Variants in ARNT2 observed in about 807,000 individuals in gnomAD.
The protein encoded by ARNT2 is aryl hydrocarbon receptor nuclear translocator 2.
In ARNT2, 36 loss-of-function variants were observed where a neutral mutation model predicts 91.7. The observed-to-expected ratio is 0.39, with a 90% CI of 0.30 to 0.52. The LOEUF is 0.52. Among genes scored for constraint, ARNT2 ranks in the 20% least tolerant of loss-of-function variants. The pLI, the probability that ARNT2 is intolerant of heterozygous loss-of-function variation, is 0.72. For synonymous variants in ARNT2, 365 were observed against 347.1 expected (o/e 1.05, Z -0.57); for missense variants, 775 against 939.3 (o/e 0.83, Z 2.29).
chr15:80,427,171 C>T (rs1439872999), intron 1 of ARNT2, among the ~76,000 whole-genome samples: 1 of 151,948 alleles, frequency 6.6e-6, no homozygotes, highest in Admixed American at 6.6e-5. Flanking sequence ...GTAATAAATT[C>T]GGGCAAAAAG....
Position 80,576,946 on chromosome 15 carries a change from C to T in ARNT2, c.1594C>T (p.His532Tyr). The T allele has an allele frequency of 6.2e-7, 1 of 1,614,088 alleles. No homozygotes were observed. The highest frequency in any genetic ancestry group is 1.1e-5 in the South Asian group (1 of 91,088). The change falls in exon 15 of 19, where the codon CAC becomes TAC. Residue 532 changes from histidine (H) to tyrosine (Y), a missense_variant. Physicochemically the swap from His to Tyr is moderately conservative, Grantham distance 83. Coordinates refer to ENST00000303329, the MANE Select transcript of ARNT2 (RefSeq NM_014862.4). ...YSQGSPFPSG[H>Y]SGKAFSSSVV... ...CCAAGGAAGCCCATTTCCCTCTGGA[C>T]ACTCCGGGAAGGCCTTCAGGTATGT... is the stretch of plus-strand genomic sequence containing the variant.
chr15:80,490,341 A>G (rs1897037892), intron 5 of ARNT2, among the ~76,000 whole-genome samples: 1 of 152,080 alleles, frequency 6.6e-6, no homozygotes, highest in African/African-American at 2.4e-5. Flanking sequence ...CTCCTAGATA[A>G]CTTCAGTCCA....
At chr15:80,487,301 G>A (rs772742146) in intron 5 of ARNT2, among the ~76,000 whole-genome samples, 4 of 152,148 alleles carry the variant, frequency 2.6e-5, no homozygotes, top group African/African-American at 7.2e-5. Flanking sequence ...TTGTCCATGC[G>A]CACAGCAGCA....
At chr15:80,586,618 C>T (rs1373356721) in intron 17 of ARNT2, among the ~76,000 whole-genome samples, 1 of 152,078 alleles carries the variant, frequency 6.6e-6, no homozygotes, top group Non-Finnish European at 1.5e-5. Context: ...GTAATCCCAG[C>T]CCTTTGGGAG....
At chr15:80,468,781 T>G (rs1213545047) in intron 3 of ARNT2, among the ~76,000 whole-genome samples, 1 of 152,210 alleles carries the variant, frequency 6.6e-6, no homozygotes, top group Non-Finnish European at 1.5e-5. Context: ...GAGGACAGAG[T>G]TGGGCATTCC....
At chr15:80,514,690 C>T (rs1897404190) in intron 8 of ARNT2, among the ~76,000 whole-genome samples, 1 of 152,088 alleles carries the variant, frequency 6.6e-6, no homozygotes, top group South Asian at 2.1e-4. Context: ...ATGGAGACCA[C>T]CCTGGCTAAC....
intron 8 of ARNT2, among the ~76,000 whole-genome samples, chr15:80,537,139 T>A (rs891801612): frequency 5.3e-5 from 8 of 152,174 alleles, no homozygotes; most frequent in Non-Finnish European, 7.3e-5. Context: ...TGAGTCCTGC[T>A]CCAAGGAACC....
intron 1 of ARNT2, among the ~76,000 whole-genome samples, chr15:80,420,058 C>T (rs1895840543): frequency 6.6e-6 from 1 of 152,122 alleles, no homozygotes; most frequent in African/African-American, 2.4e-5. Flanking sequence ...CCACGTATGT[C>T]TTTGAGCCTC....
intron 1 of ARNT2, among the ~76,000 whole-genome samples, chr15:80,446,596 C>A (rs1266125228): frequency 6.6e-6 from 1 of 152,224 alleles, no homozygotes; most frequent in Non-Finnish European, 1.5e-5. Flanking sequence ...CACGTAAGAG[C>A]CTGCTCTGCC....
chr15:80,546,257 C>T (rs1897989882), intron 8 of ARNT2, among the ~76,000 whole-genome samples: 1 of 152,198 alleles, frequency 6.6e-6, no homozygotes. Flanking sequence ...TTGTGTGACC[C>T]TGGCTTTCCT....
chr15:80,540,402 T>C (rs921507833), intron 8 of ARNT2, among the ~76,000 whole-genome samples: 2 of 152,252 alleles, frequency 1.3e-5, no homozygotes, highest in Non-Finnish European at 2.9e-5. Flanking sequence ...GTTTCCTTAA[T>C]GACAAATGAT....
intron 2 of ARNT2, among the ~76,000 whole-genome samples, chr15:80,453,903 A>G (rs1268733796): frequency 6.6e-6 from 1 of 152,128 alleles, no homozygotes; most frequent in Non-Finnish European, 1.5e-5. Flanking sequence ...GATTATTCTG[A>G]TGGAGGGAAG....
At chr15:80,583,718 T>C (rs1358691289) in intron 17 of ARNT2, among the ~76,000 whole-genome samples, 4 of 152,180 alleles carry the variant, frequency 2.6e-5, no homozygotes, top group African/African-American at 4.8e-5. Flanking sequence ...CCAGGCTAAC[T>C]TACTATAGCT....
intron 10 of ARNT2, among the ~76,000 whole-genome samples, chr15:80,552,999 A>G (rs1346491994): frequency 2.6e-5 from 4 of 152,096 alleles, no homozygotes; most frequent in Non-Finnish European, 5.9e-5. Flanking sequence ...CCTCACTGTT[A>G]TGTTTCTCTA....
intron 1 of ARNT2, among the ~76,000 whole-genome samples, chr15:80,435,247 G>T (rs1419375718): frequency 6.6e-6 from 1 of 152,156 alleles, no homozygotes; most frequent in Non-Finnish European, 1.5e-5. Flanking sequence ...TGCCAGCTCT[G>T]CCCGAGGTTC....
At chr15:80,505,345 A>G (rs1228542537) in intron 5 of ARNT2, among the ~76,000 whole-genome samples, 1 of 152,218 alleles carries the variant, frequency 6.6e-6, no homozygotes, top group East Asian at 1.9e-4. Flanking sequence ...TCAGCCATCC[A>G]TCCAGAAATG....
chr15:80,503,179 G>A (rs889297712), intron 5 of ARNT2, among the ~76,000 whole-genome samples: 2 of 152,186 alleles, frequency 1.3e-5, no homozygotes, highest in African/African-American at 2.4e-5. Flanking sequence ...ACTGGGAGCC[G>A]GTAGTAAGCA....
chr15:80,427,068 T>C (rs2141565977), intron 1 of ARNT2, among the ~76,000 whole-genome samples: 1 of 152,334 alleles, frequency 6.6e-6, no homozygotes, highest in East Asian at 1.9e-4. Context: ...CTTCAACATA[T>C]GAATTTTGGG....
intron 8 of ARNT2, among the ~76,000 whole-genome samples, chr15:80,525,898 G>A (rs1897632789): frequency 6.6e-6 from 1 of 152,186 alleles, no homozygotes; most frequent in Admixed American, 6.5e-5. Context: ...ACTTGGTTAG[G>A]AAGTATGAAG....
Sources: gnomAD v4.1 joint callset for allele counts (sites outside exome capture counted in the v4.1 genomes callset) on GRCh38, gnomAD v4.1.1 for gene constraint, MANE v1.5 for transcripts, NCBI Gene and HGNC (gene_info 2026-07-23, HGNC 2026-07-21) for gene names.